The following SREBF2 variants were observed in gnomAD, a reference collection of about 807,000 sequenced individuals.
SREBF2 encodes sterol regulatory element-binding protein 2.
A neutral mutation model predicts 113.1 loss-of-function variants in SREBF2; 55 were observed. The ratio of observed to expected loss-of-function variants is 0.49; its 90% CI spans 0.39 to 0.61. SREBF2 has a LOEUF of 0.61. SREBF2 is among the 20% of genes least tolerant of loss of function. The probability of loss-of-function intolerance (pLI) is 0.00; values close to 1 mark genes in which losing one functional copy is unlikely to be tolerated. For synonymous variants in SREBF2, 593 were observed against 605.7 expected (o/e 0.98, Z 0.31); for missense variants, 1,349 against 1,487.4 (o/e 0.91, Z 1.53).
In SREBF2 at chr22:41,867,109, A is replaced by T. The variant is rs1602302846; in HGVS notation, c.367A>T (p.Thr123Ser). 9 of 1,613,818 alleles carry T rather than the reference A, an allele frequency of 5.6e-6. No individual in the cohort carries two copies. The highest frequency in any genetic ancestry group is 1.7e-5 in the Admixed American group (1 of 59,970). The change falls in exon 2 of 19, where the codon ACC (threonine) becomes TCC (serine). Residue 123 changes from threonine to serine, a missense_variant. Around this residue, in one of 2 missense-constraint regions of SREBF2, gnomAD observed 699 missense variants for 843.3 expected, o/e 0.83. Coordinates refer to ENST00000361204, the MANE Select transcript of SREBF2 (RefSeq NM_004599.4). ...QVKVSPTSVP[T>S]TPRATPILQP... Reference sequence around the variant, plus strand: ...CAAGGTTTCTCCCACCTCAGTTCCCACCACACCCAGGGCAACTCCTATTCT... The same window carrying T: ...CAAGGTTTCTCCCACCTCAGTTCCCTCCACACCCAGGGCAACTCCTATTCT...
At chr22:41,865,153 A>G (rs2077063668) in intron 1 of SREBF2, among the ~76,000 whole-genome samples, 1 of 151,454 alleles carries the variant, frequency 6.6e-6, no homozygotes, top group Non-Finnish European at 1.5e-5. Context: ...AAAAACACAC[A>G]CACACACACA....
At chr22:41,904,796 G>A (rs1324709513) in intron 17 of SREBF2, 67 bp from the exon 18 acceptor site, 1 of 1,287,188 alleles carries the variant, frequency 7.8e-7, no homozygotes, top group Non-Finnish European at 1.1e-6. Flanking sequence ...GGCTCAGGGA[G>A]AGCTACCCTG....
In SREBF2 at chr22:41,906,376, C is replaced by A. The variant is rs1399409943; in HGVS notation, c.*716C>A. ...AATAAATGGTATCTTATTTAATTGT[C>A]CTGTTCCTTCCCACTCCCCGCCTCC... On this transcript the variant is annotated 3_prime_UTR_variant, in exon 19 of 19. Coordinates refer to ENST00000361204, the MANE Select transcript of SREBF2 (RefSeq NM_004599.4). The A allele has an allele frequency of 3.6e-5, 7 of 194,950 alleles. No individual in the cohort carries two copies. The highest frequency in any genetic ancestry group is 6.4e-5 in the Non-Finnish European group (6 of 94,056). 12.1% of individuals were successfully genotyped at this position (194,950 alleles called of 1,614,324 possible). A position where few individuals can be genotyped will look rare whatever the true frequency, so the allele number is the denominator to read the frequency against.
chr22:41,857,112 A>C (rs1442879736), intron 1 of SREBF2, among the ~76,000 whole-genome samples: 5 of 151,758 alleles, frequency 3.3e-5, no homozygotes, highest in Non-Finnish European at 7.4e-5. Flanking sequence ...AGGCTGTTGG[A>C]TGAACAAGAT....
At chr22:41,873,027 G>A (rs761304478) in intron 4 of SREBF2, among the ~76,000 whole-genome samples, 7 of 151,912 alleles carry the variant, frequency 4.6e-5, no homozygotes, top group South Asian at 2.1e-4. Context: ...GAGAAACCCC[G>A]TCTCTACTAA....
At chr22:41,905,198 A>G (rs565296967) in intron 18 of SREBF2, among the ~76,000 whole-genome samples, 3 of 152,366 alleles carry the variant, frequency 2.0e-5, no homozygotes, top group African/African-American at 7.2e-5. Context: ...GTGGCGTCCC[A>G]GCACAGGTGC....
Position 41,897,103 on chromosome 22 carries a change from C to T in SREBF2, c.2547C>T (p.Asp849=), listed in dbSNP as rs1385476743. 6.2e-7 allele frequency: 1 copy of T among 1,613,036 alleles called. No individual in the cohort carries two copies. The highest frequency in any genetic ancestry group is 8.5e-7 in the Non-Finnish European group (1 of 1,179,924). The change falls in exon 14 of 19, where the codon GAC becomes GAT. Residue 849 remains aspartate (D), a synonymous_variant. Coordinates refer to ENST00000361204, the MANE Select transcript of SREBF2 (RefSeq NM_004599.4). The part of the protein sequence containing the change: ...EYLKLLHSFV[D]SVGVMSPPLS... ...TGAAATTACTTCATTCTTTTGTGGACTCTGTGGGGGTTATGAGCCCCCCAC... is the reference window on the plus strand; with the variant it reads ...TGAAATTACTTCATTCTTTTGTGGATTCTGTGGGGGTTATGAGCCCCCCAC...
At chr22:41,848,350 G>C (rs759194550) in intron 1 of SREBF2, among the ~76,000 whole-genome samples, 8 of 152,056 alleles carry the variant, frequency 5.3e-5, no homozygotes, top group Non-Finnish European at 7.4e-5. Flanking sequence ...GCCTCCCAAA[G>C]TGCTGGGATT....
chr22:41,898,977 C>T (rs751338935), intron 15 of SREBF2, 196 bp downstream of exon 15: 2 of 791,980 alleles, frequency 2.5e-6, no homozygotes, highest in Non-Finnish European at 4.1e-6. Context: ...GTGCAAGTGT[C>T]CTGCTCTGCA....
intron 11 of SREBF2, among the ~76,000 whole-genome samples, chr22:41,892,241 CGGCTGGCCATGTGCCGAGCACTGTTCTA>C (rs1361801207): frequency 6.6e-6 from 1 of 152,320 alleles, no homozygotes; most frequent in South Asian, 2.1e-4. Context: ...GTGACCCTGA[CGGCTGGCCATGTGCCGAGCACTGTTCTA>C]AACTTTACAC....
At chr22:41,895,354 TG>T (rs932014419) in intron 13 of SREBF2, among the ~76,000 whole-genome samples, 1 of 151,364 alleles carries the variant, frequency 6.6e-6, no homozygotes, top group African/African-American at 2.4e-5. Flanking sequence ...TTAGCCAGGA[TG>T]GTCTCGACCT....
rs2148416079 is a variant in SREBF2, at chr22:41,897,176, G to A, written c.2605+15G>A. 6.3e-7 allele frequency: 1 copy of A among 1,579,590 alleles called. No homozygotes were observed. Among genetic ancestry groups the A allele is most frequent in the Non-Finnish European group, 8.7e-7 (1 of 1,153,190 alleles). ...GTCCGCCCTGGGTAAGCACCTGCGG[G>A]TGGCCCACAGTCTCAGGGTGCTCAG... is the stretch of plus-strand genomic sequence containing the variant. On this transcript the variant is annotated intron_variant, in intron 14 of 18. Coordinates refer to ENST00000361204, the MANE Select transcript of SREBF2 (RefSeq NM_004599.4).
intron 1 of SREBF2, among the ~76,000 whole-genome samples, chr22:41,858,242 CTTG>C (rs959733482): frequency 6.6e-6 from 1 of 152,124 alleles, no homozygotes; most frequent in African/African-American, 2.4e-5. Flanking sequence ...TGTTCTTGTA[CTTG>C]TTGGGCAGCT....
At position 41,864,601 on chromosome 22, in the gene SREBF2, T is replaced by A. The variant is rs537549825; in HGVS notation, c.89-2230T>A. On this transcript the variant is annotated intron_variant, in intron 1 of 18. Transcript: ENST00000361204. ...TCCCAAAGTGCTGGGATTATAGGCG[T>A]GAGTCACCGCGCCCGGCCCAAAAAA... Among the ~76,000 whole-genome samples the A allele has an allele frequency of 2.6e-5, 4 of 151,864 alleles. No individual in the cohort carries two copies. The East Asian group carries it at 7.8e-4, about 30-fold the overall frequency.
intron 10 of SREBF2, among the ~76,000 whole-genome samples, chr22:41,883,698 G>T (rs933953801): frequency 1.3e-5 from 2 of 152,166 alleles, no homozygotes; most frequent in Non-Finnish European, 2.9e-5. Context: ...GAACACCTGA[G>T]GCCAGTACAG....
At position 41,899,028 on chromosome 22, in the gene SREBF2, G is replaced by A. The variant is rs1162573065; in HGVS notation, c.2738+247G>A. 6.4e-6 allele frequency: 4 copies of A among 626,094 alleles called. No homozygotes were observed. The Admixed American group carries it at 7.7e-5, about 12-fold the overall frequency. The allele number at this position is 626,094 out of a possible 1,614,324, so 38.8% of individuals were successfully genotyped here. On this transcript the variant is annotated intron_variant, in intron 15 of 18. Transcript: ENST00000361204. ...CCCAGCAGCTGTCAGCACTGTGTCC[G>A]GGTCCTCCTCCCTGCAGCCTTCATG...
chr22:41,889,975 AG>A (rs1415897896), intron 11 of SREBF2, among the ~76,000 whole-genome samples: 1 of 152,148 alleles, frequency 6.6e-6, no homozygotes, highest in African/African-American at 2.4e-5. Context: ...TCTGGGTGAC[AG>A]AGCAAGACTC....
At chr22:41,899,042 G>A (rs939069666) in intron 15 of SREBF2, 5 of 602,724 alleles carry the variant, frequency 8.3e-6, no homozygotes, top group Non-Finnish European at 1.4e-5. Context: ...CCTCCTCCCT[G>A]CAGCCTTCAT....
At chr22:41,901,030 G>T in intron 16 of SREBF2, 1 of 520,876 alleles carries the variant, frequency 1.9e-6, no homozygotes. Context: ...CCTGGCCCTC[G>T]AGAGACTGCC....
Sources: gnomAD v4.1 joint callset for allele counts (sites outside exome capture counted in the v4.1 genomes callset) on GRCh38, gnomAD v4.1.1 for gene constraint, gnomAD v4.1.1 regional missense constraint, MANE v1.5 for transcripts, NCBI Gene and HGNC (gene_info 2026-07-23, HGNC 2026-07-21) for gene names.